Variants in B3GALT1 observed in about 807,000 individuals in gnomAD.
B3GALT1 encodes beta-1,3-galactosyltransferase 1.
A neutral mutation model predicts 23.2 loss-of-function variants in B3GALT1; 10 were observed. The observed-to-expected ratio is 0.43, with a 90% CI of 0.27 to 0.73. The LOEUF is 0.73. Ranked by LOEUF, B3GALT1 falls within the 30% of genes least tolerant of loss-of-function variation. B3GALT1 has a pLI of 0.21. For synonymous variants in B3GALT1, 156 were observed against 141.5 expected, an observed-to-expected ratio of 1.10 and a Z score of -0.73; for missense variants, 299 against 405.4, an observed-to-expected ratio of 0.74 and a Z score of 2.25.
At chr2:167,738,271 G>A (rs556057805) in intron 3 of B3GALT1, among the ~76,000 whole-genome samples, 1 of 152,286 alleles carries the variant, frequency 6.6e-6, no homozygotes, top group South Asian at 2.1e-4. Context: ...TAGCAAGTTA[G>A]GGAGGCAACA....
intron 3 of B3GALT1, among the ~76,000 whole-genome samples, chr2:167,688,531 G>A (rs1686654204): frequency 6.6e-6 from 1 of 151,970 alleles, no homozygotes. Context: ...AACTCGATAG[G>A]TGGCTTAACA....
chr2:167,525,705 T>C (rs946223981), intron 2 of B3GALT1, among the ~76,000 whole-genome samples: 3 of 151,880 alleles, frequency 2.0e-5, no homozygotes, highest in Non-Finnish European at 4.4e-5. Context: ...ACGTCACAGC[T>C]CAGGTGACCC....
intron 4 of B3GALT1, among the ~76,000 whole-genome samples, chr2:167,850,482 G>A (rs1689858478): frequency 6.6e-6 from 1 of 152,222 alleles, no homozygotes; most frequent in African/African-American, 2.4e-5. Context: ...GGAAAACAGA[G>A]TGGAGGTTCC....
chr2:167,478,086 GATAGCAGTATTCGTGCCATT>G (rs1222316636), intron 1 of B3GALT1, among the ~76,000 whole-genome samples: 1 of 152,222 alleles, frequency 6.6e-6, no homozygotes, highest in Admixed American at 6.5e-5. Flanking sequence ...TGAGGTTGGA[GATAGCAGTATTCGTGCCATT>G]ATAAAGAATT....
intron 2 of B3GALT1, among the ~76,000 whole-genome samples, chr2:167,596,830 A>G (rs1334700057): frequency 4.6e-5 from 7 of 152,378 alleles, no homozygotes; most frequent in Non-Finnish European, 1.5e-5. Flanking sequence ...CTGGTAAAAT[A>G]GGAATGACAT....
intron 2 of B3GALT1, among the ~76,000 whole-genome samples, chr2:167,569,374 T>G (rs1370510762): frequency 2.0e-5 from 3 of 151,942 alleles, no homozygotes; most frequent in Non-Finnish European, 4.4e-5. Context: ...GATATTTTTA[T>G]TAGAGATTTT....
At chr2:167,804,295 A>C (rs1688702871) in intron 3 of B3GALT1, among the ~76,000 whole-genome samples, 1 of 150,160 alleles carries the variant, frequency 6.7e-6, no homozygotes, top group African/African-American at 2.5e-5. Flanking sequence ...CAGCCTCAAA[A>C]TTTCTTTTTT....
At chr2:167,429,304 G>T (rs199981722) in intron 1 of B3GALT1, among the ~76,000 whole-genome samples, 23 of 143,816 alleles carry the variant, frequency 1.6e-4, no homozygotes, top group African/African-American at 5.7e-4. Context: ...AAAAAAATAA[G>T]AAATGTTTTA....
At chr2:167,865,125 C>T (rs527631192) in intron 4 of B3GALT1, among the ~76,000 whole-genome samples, 2 of 152,120 alleles carry the variant, frequency 1.3e-5, no homozygotes, top group African/African-American at 2.4e-5. Flanking sequence ...AACAAACTCT[C>T]AGCTGGGCAA....
At chr2:167,703,078 ACAAT>A (rs1371272393) in intron 3 of B3GALT1, among the ~76,000 whole-genome samples, 2 of 152,130 alleles carry the variant, frequency 1.3e-5, no homozygotes, top group Non-Finnish European at 2.9e-5. Flanking sequence ...CATCAGGGGG[ACAAT>A]CAATTAGGTT....
At chr2:167,335,727 T>G (rs73015882) in intron 1 of B3GALT1, among the ~76,000 whole-genome samples, 2,496 of 152,208 alleles carry the variant, frequency 0.016, 58 homozygotes, top group East Asian at 0.082. Flanking sequence ...ACAACCAGAG[T>G]TCACTTTCGT....
At chr2:167,316,941 A>C (rs1248526133) in intron 1 of B3GALT1, among the ~76,000 whole-genome samples, 1 of 152,148 alleles carries the variant, frequency 6.6e-6, no homozygotes, top group Non-Finnish European at 1.5e-5. Context: ...TAGCACAGAT[A>C]CTGAAAGGAT....
chr2:167,691,593 G>A (rs138621934), intron 3 of B3GALT1, among the ~76,000 whole-genome samples: 12 of 152,260 alleles, frequency 7.9e-5, no homozygotes, highest in African/African-American at 2.9e-4. Flanking sequence ...CAGGAGGACA[G>A]TTTTTGTCTG....
intron 3 of B3GALT1, among the ~76,000 whole-genome samples, chr2:167,718,497 A>C (rs1687185697): frequency 6.6e-6 from 1 of 152,210 alleles, no homozygotes; most frequent in Non-Finnish European, 1.5e-5. Context: ...GGAGAAAAGC[A>C]ATATTTTTCC....
Position 167,449,960 on chromosome 2 carries a change from T to C in B3GALT1, c.-510-40217T>C, listed in dbSNP as rs76073269. ...ATGAAGCCCATTTGATCATGGTGGA[T>C]AATCTTTTTGACACGCTTTTGGATT... On this transcript the variant is annotated intron_variant, in intron 1 of 4. Coordinates refer to ENST00000392690, the MANE Select transcript of B3GALT1 (RefSeq NM_020981.4). Among the ~76,000 whole-genome samples, 761 of 152,322 alleles carry C rather than the reference T, an allele frequency of 5.0e-3. 4 individuals are homozygous for C. Among genetic ancestry groups the C allele is most frequent in the African/African-American group, 0.017 (712 of 41,576 alleles).
intron 1 of B3GALT1, among the ~76,000 whole-genome samples, chr2:167,417,434 T>A (rs763896324): frequency 9.2e-5 from 14 of 152,156 alleles, no homozygotes; most frequent in Non-Finnish European, 1.9e-4. Flanking sequence ...TTTGCACTTC[T>A]CAGGCTCCGT....
chr2:167,496,447 T>C (rs1004517414), intron 2 of B3GALT1, among the ~76,000 whole-genome samples: 6 of 152,180 alleles, frequency 3.9e-5, no homozygotes, highest in African/African-American at 1.4e-4. Flanking sequence ...AGCATGCTAA[T>C]TGGCTAATTA....
chr2:167,829,536 T>C (rs1689300345), intron 4 of B3GALT1, among the ~76,000 whole-genome samples: 1 of 150,968 alleles, frequency 6.6e-6, no homozygotes, highest in African/African-American at 2.4e-5. Flanking sequence ...ATATCTAAAG[T>C]ATGATAAATA....
chr2:167,691,170 G>T (rs1044237948), intron 3 of B3GALT1, among the ~76,000 whole-genome samples: 3 of 151,988 alleles, frequency 2.0e-5, no homozygotes, highest in African/African-American at 7.2e-5. Flanking sequence ...CTTATAAGTA[G>T]GTCTAGATCA....
Sources: gnomAD v4.1 joint callset for allele counts (sites outside exome capture counted in the v4.1 genomes callset) on GRCh38, gnomAD v4.1.1 for gene constraint, MANE v1.5 for transcripts, NCBI Gene and HGNC (gene_info 2026-07-23, HGNC 2026-07-21) for gene names.